SND1: variants seen among roughly 807,000 people sequenced by gnomAD.
The protein encoded by SND1 is staphylococcal nuclease and tudor domain containing 1.
A neutral mutation model predicts 121.7 loss-of-function variants in SND1; 38 were observed. The observed-to-expected ratio is 0.31, with a 90% CI of 0.24 to 0.41. SND1 has a LOEUF of 0.41. Among genes scored for constraint, SND1 ranks in the 10% least tolerant of loss-of-function variants. SND1 has a pLI of 1.00. For synonymous variants in SND1, 401 were observed against 447.4 expected (o/e 0.90, Z 1.31); for missense variants, 868 against 1,184.6 (o/e 0.73, Z 3.92).
chr7:127,748,193 T>C (rs113016405), intron 10 of SND1, among the ~76,000 whole-genome samples: 31 of 152,242 alleles, frequency 2.0e-4, no homozygotes, highest in Admixed American at 9.8e-4. Flanking sequence ...TTCTTTGTTT[T>C]GCTTGCCTGG....
chr7:127,759,515 G>C (rs903165381), intron 10 of SND1, among the ~76,000 whole-genome samples: 2 of 151,944 alleles, frequency 1.3e-5, no homozygotes, highest in African/African-American at 4.8e-5. Flanking sequence ...CTATCTCCAG[G>C]TCAGCCCTAG....
At chr7:128,032,972 C>T in intron 16 of SND1, among the ~76,000 whole-genome samples, 1 of 152,198 alleles carries the variant, frequency 6.6e-6, no homozygotes, top group Non-Finnish European at 1.5e-5. Context: ...CTCCCGGAGC[C>T]CACGACACAG....
At chr7:127,666,860 CT>C (rs1795429306) in intron 1 of SND1, among the ~76,000 whole-genome samples, 2 of 152,112 alleles carry the variant, frequency 1.3e-5, no homozygotes, top group Non-Finnish European at 2.9e-5. Context: ...GACCAGTTCT[CT>C]TGTAATTGCC....
chr7:127,758,786 G>T (rs1797244548), intron 10 of SND1, among the ~76,000 whole-genome samples: 1 of 152,138 alleles, frequency 6.6e-6, no homozygotes, highest in African/African-American at 2.4e-5. Context: ...AGGCACGGTG[G>T]CTCATGCCTG....
At chr7:128,008,873 TCC>T (rs1453434266) in intron 16 of SND1, among the ~76,000 whole-genome samples, 1 of 152,206 alleles carries the variant, frequency 6.6e-6, no homozygotes, top group Non-Finnish European at 1.5e-5. Context: ...CTGATTTTTT[TCC>T]CCTTTTCCAA....
At chr7:127,789,286 G>A (rs1053618505) in intron 10 of SND1, among the ~76,000 whole-genome samples, 4 of 152,140 alleles carry the variant, frequency 2.6e-5, no homozygotes, top group Non-Finnish European at 5.9e-5. Context: ...TCAATTGTCT[G>A]TCAGTATATT....
chr7:128,036,013 A>C (rs1792743415), intron 16 of SND1, among the ~76,000 whole-genome samples: 1 of 152,228 alleles, frequency 6.6e-6, no homozygotes, highest in African/African-American at 2.4e-5. Flanking sequence ...GGGTAGGTCC[A>C]TCAGTGGCAG....
intron 16 of SND1, chr7:128,030,631 A>G (rs772682034): frequency 7.6e-5 from 119 of 1,559,704 alleles, no homozygotes; most frequent in Non-Finnish European, 9.8e-5. Context: ...ACCTGCCACA[A>G]GAGCTTCATG....
At chr7:127,775,322 C>T in intron 10 of SND1, among the ~76,000 whole-genome samples, 1 of 151,164 alleles carries the variant, frequency 6.6e-6, no homozygotes, top group Non-Finnish European at 1.5e-5. Flanking sequence ...TGGCACATTC[C>T]CCCACCCCCA....
intron 12 of SND1, chr7:127,857,896 C>T (rs948416061): frequency 1.3e-5 from 18 of 1,382,584 alleles, no homozygotes; most frequent in Non-Finnish European, 1.8e-5. Flanking sequence ...GAACTGACCA[C>T]GAAGGGGGTC....
intron 16 of SND1, among the ~76,000 whole-genome samples, chr7:128,069,680 A>G (rs998733116): frequency 1.3e-5 from 2 of 152,238 alleles, no homozygotes; most frequent in African/African-American, 4.8e-5. Flanking sequence ...TTTATGTGCT[A>G]AGCACTTTTC....
intron 10 of SND1, among the ~76,000 whole-genome samples, chr7:127,784,200 A>G (rs946991637): frequency 2.0e-5 from 3 of 152,246 alleles, no homozygotes; most frequent in Non-Finnish European, 2.9e-5. Context: ...CACTGTTTCA[A>G]GTATGACTGT....
chr7:127,843,631 AT>A (rs1799005040), intron 11 of SND1, among the ~76,000 whole-genome samples: 3 of 152,184 alleles, frequency 2.0e-5, no homozygotes. Context: ...CAATTTATCC[AT>A]TCACCTACTG....
At chr7:127,991,509 C>T (rs1802523993) in intron 16 of SND1, among the ~76,000 whole-genome samples, 2 of 152,204 alleles carry the variant, frequency 1.3e-5, no homozygotes, top group Non-Finnish European at 2.9e-5. Context: ...GCCTGTTGGG[C>T]TGGCTCTTGC....
At chr7:127,857,393 C>T (rs1181960746) in intron 12 of SND1, among the ~76,000 whole-genome samples, 5 of 142,322 alleles carry the variant, frequency 3.5e-5, no homozygotes, top group African/African-American at 1.3e-4. Context: ...AAAGCAGAGA[C>T]GGGGTTTCAC....
chr7:128,012,530 T>C (rs766187809), intron 16 of SND1, among the ~76,000 whole-genome samples: 15 of 152,190 alleles, frequency 9.9e-5, no homozygotes, highest in Non-Finnish European at 1.9e-4. Context: ...GGACTGAAAC[T>C]TGTACCTCCC....
rs143152987 is a variant in SND1, at chr7:127,668,313, T to A, written c.78+15862T>A. Reference sequence around the variant, plus strand: ...CATATGTTCTCCAGCAAATTCTGCTTAAACTTTGACCTTCCTCAAAGAGGA... The same window carrying A: ...CATATGTTCTCCAGCAAATTCTGCTAAAACTTTGACCTTCCTCAAAGAGGA... On this transcript the variant is annotated intron_variant, in intron 1 of 23. Coordinates refer to ENST00000354725, the MANE Select transcript of SND1 (RefSeq NM_014390.4). Among the ~76,000 whole-genome samples, 576 of 152,324 alleles carry A rather than the reference T, an allele frequency of 3.8e-3. 3 individuals are homozygous for A. The highest frequency in any genetic ancestry group is 0.014 in the South Asian group (66 of 4,816).
In SND1 at chr7:127,802,695, A is replaced by G. The variant is rs559942020; in HGVS notation, c.1153-4789A>G. 9.2e-5 allele frequency among the ~76,000 whole-genome samples: 14 copies of G among 152,302 alleles called. No individual in the cohort carries two copies. The South Asian group carries it at 1.7e-3, about 18-fold the overall frequency. On this transcript the variant is annotated intron_variant, in intron 10 of 23. Transcript: ENST00000354725. ...TGCTGGGTCCAAACTCCATGTTTGTATACCCAACTGCCCATTCAACATCTC... is the reference window on the plus strand; with the variant it reads ...TGCTGGGTCCAAACTCCATGTTTGTGTACCCAACTGCCCATTCAACATCTC...
intron 15 of SND1, among the ~76,000 whole-genome samples, chr7:127,946,012 C>T (rs1473205111): frequency 6.6e-6 from 1 of 152,256 alleles, no homozygotes; most frequent in Non-Finnish European, 1.5e-5. Context: ...AATCTTCCCT[C>T]CATTCACTGC....
Sources: allele counts gnomAD v4.1 joint callset (sites outside exome capture counted in the v4.1 genomes callset), GRCh38; gene constraint gnomAD v4.1.1; transcripts MANE v1.5; gene names NCBI Gene and HGNC (gene_info 2026-07-23, HGNC 2026-07-21).